The following TRPM2 variants were observed in gnomAD, a reference collection of about 807,000 sequenced individuals.
TRPM2 encodes the protein transient receptor potential cation channel subfamily M member 2, also known as estrogen-responsive element-associated gene 1 protein.
A neutral mutation model predicts 174.0 loss-of-function variants in TRPM2; 161 were observed. The ratio of observed to expected loss-of-function variants is 0.93; its 90% CI spans 0.81 to 1.05. The LOEUF (loss-of-function observed/expected upper bound fraction) is 1.05. Among genes scored for constraint, TRPM2 ranks in the 50% least tolerant of loss-of-function variants. The pLI, the probability that TRPM2 is intolerant of heterozygous loss-of-function variation, is 0.00. For synonymous variants in TRPM2, 954 were observed against 861.3 expected (o/e 1.11, Z -1.88); for missense variants, 2,057 against 2,038.0 (o/e 1.01, Z -0.18).
intron 2 of TRPM2, among the ~76,000 whole-genome samples, chr21:44,361,003 C>A (rs2048192825): frequency 6.6e-6 from 1 of 152,190 alleles, no homozygotes; most frequent in Admixed American, 6.5e-5. Context: ...CTGATCCCTG[C>A]AACCACCAGT....
intron 19 of TRPM2, among the ~76,000 whole-genome samples, chr21:44,410,245 T>C (rs1357402217): frequency 1.1e-5 from 1 of 87,054 alleles, no homozygotes; most frequent in African/African-American, 3.6e-5. Context: ...CGTAGCCTTG[T>C]AGTGAGTTTT....
At chr21:44,436,200 G>A (rs1208246077) in intron 28 of TRPM2, among the ~76,000 whole-genome samples, 2 of 152,170 alleles carry the variant, frequency 1.3e-5, no homozygotes, top group East Asian at 1.9e-4. Context: ...AGGTGCAGAC[G>A]CCTGCGTCCC....
At chr21:44,370,140 G>C (rs1307004638) in intron 5 of TRPM2, among the ~76,000 whole-genome samples, 1 of 152,144 alleles carries the variant, frequency 6.6e-6, no homozygotes, top group Non-Finnish European at 1.5e-5. Flanking sequence ...GGTTGTAAGA[G>C]GGGTCCACGT....
At chr21:44,441,003 T>G in intron 31 of TRPM2, 98 bp downstream of exon 31, 1 of 1,036,826 alleles carries the variant, frequency 9.6e-7, no homozygotes, top group Non-Finnish European at 1.5e-6. Context: ...GGGTCTGGAT[T>G]CTGGCAGGCT....
chr21:44,413,227 CTTTTTTTTT>C (rs958225632), intron 19 of TRPM2, among the ~76,000 whole-genome samples: 1 of 116,274 alleles, frequency 8.6e-6, no homozygotes, highest in Non-Finnish European at 1.8e-5. Context: ...CTTTTCAATT[CTTTTTTTTT>C]TTTTTTTTTT....
In TRPM2 at chr21:44,370,309, C is replaced by T. The variant is rs1015096420; in HGVS notation, c.771+966C>T. ...AGAGGTCTCCTGCAGCCGGGAATCC[C>T]ACTGTGCTGTGGTCCCTGGCAGCCA... On this transcript the variant is annotated intron_variant, in intron 5 of 31. Transcript: ENST00000397928. 9.2e-5 allele frequency among the ~76,000 whole-genome samples: 14 copies of T among 152,234 alleles called. 1 individual carries two copies. In the East Asian group the frequency reaches 2.5e-3, roughly 27 times the overall value.
intron 26 of TRPM2, 24 bp from the exon 27 acceptor site, chr21:44,426,986 A>G (rs1424072055): frequency 3.8e-6 from 6 of 1,565,568 alleles, no homozygotes; most frequent in South Asian, 1.2e-5. Flanking sequence ...GGGCACACAG[A>G]CACGCCTTCT....
chr21:44,389,335 G>C (rs45544038), intron 9 of TRPM2, among the ~76,000 whole-genome samples: 5,828 of 152,160 alleles, frequency 0.038, 332 homozygotes, highest in African/African-American at 0.12. Context: ...CATCTGTTGG[G>C]GTGCATTTAG....
rs1227668653 is a variant in TRPM2, at chr21:44,442,403, A to C, written c.*586A>C. The C allele has an allele frequency of 6.6e-6, 1 of 152,252 alleles. No individual in the cohort carries two copies. Among genetic ancestry groups the C allele is most frequent in the African/African-American group, 2.4e-5 (1 of 41,448 alleles). 9.4% of individuals were successfully genotyped at this position (152,252 alleles called of 1,614,324 possible). On this transcript the variant is annotated 3_prime_UTR_variant, in exon 32 of 32. Transcript: ENST00000397928. ...GCCCAGACAAAGCCCAGGCCTGTCAAGAGACGCAGAGGGCCCCTGCCAGGG... is the reference window on the plus strand; with the variant it reads ...GCCCAGACAAAGCCCAGGCCTGTCACGAGACGCAGAGGGCCCCTGCCAGGG...
chr21:44,426,714 G>A lies in TRPM2; in HGVS notation c.3850G>A (p.Ala1284Thr). The A allele has an allele frequency of 6.2e-7, 1 of 1,614,082 alleles. No individual in the cohort carries two copies. Among genetic ancestry groups the A allele is most frequent in the Non-Finnish European group, 8.5e-7 (1 of 1,180,008 alleles). Reference protein sequence around the residue: ...PFYTAERKDAAAMDPMGDTLE... With the variant: ...PFYTAERKDATAMDPMGDTLE... ...TTACACGGCAGAGAGGAAGGACGCG[G>A]CCGCCATGGACCCCATGGGAGAGTG... The change falls in exon 26 of 32, where the codon GCC (alanine) becomes ACC (threonine). Residue 1284 changes from alanine (A) to threonine (T), a missense_variant. By Grantham distance (58) the Ala-to-Thr change is moderately conservative. Coordinates refer to ENST00000397928, the MANE Select transcript of TRPM2 (RefSeq NM_003307.4).
In TRPM2 at chr21:44,366,503, C is replaced by A. The variant is rs1442598099; in HGVS notation, c.424-251C>A. 6.6e-6 allele frequency among the ~76,000 whole-genome samples: 1 copy of A among 152,108 alleles called. No homozygotes were observed. The highest frequency in any genetic ancestry group is 1.5e-5 in the Non-Finnish European group (1 of 68,002). On this transcript the variant is annotated intron_variant, in intron 3 of 31. Coordinates refer to ENST00000397928, the MANE Select transcript of TRPM2 (RefSeq NM_003307.4). This position sits in a 1 kb window ranked among gnomAD's most constrained non-coding sequence, Gnocchi z 6.0. ...AGTGGGTGCCGTGGGGGCACGAGGG[C>A]TGGGGGAGGTTTGCTGAGGGCGATC...
chr21:44,437,763 A>G (rs756641621), intron 29 of TRPM2, among the ~76,000 whole-genome samples: 3 of 152,180 alleles, frequency 2.0e-5, no homozygotes, highest in Non-Finnish European at 2.9e-5. Flanking sequence ...TTCCTGTTCA[A>G]GTGCCTCCAA....
intron 8 of TRPM2, among the ~76,000 whole-genome samples, chr21:44,380,829 A>G (rs1337460501): frequency 6.6e-6 from 1 of 152,178 alleles, no homozygotes; most frequent in African/African-American, 2.4e-5. Context: ...TCATCTGTTA[A>G]GTAGGGGTAC....
intron 16 of TRPM2, among the ~76,000 whole-genome samples, chr21:44,403,912 T>C (rs1601164828): frequency 6.6e-6 from 1 of 150,806 alleles, no homozygotes; most frequent in East Asian, 2.0e-4. Context: ...CACACATGCA[T>C]ACACACATAC....
chr21:44,394,855 A>C (rs2049292534), intron 11 of TRPM2, among the ~76,000 whole-genome samples: 1 of 151,926 alleles, frequency 6.6e-6, no homozygotes, highest in African/African-American at 2.4e-5. Context: ...TTTTTTTTCT[A>C]CTTCTGGGGA....
chr21:44,424,935 T>C lies in TRPM2; in HGVS notation c.3633T>C (p.Thr1211=), dbSNP rs1197255898. The part of the protein sequence containing the change: ...SGFSSEADVP[T]LASQKAAEEP... ...TCAGCTCGGAGGCGGACGTCCCCAC[T>C]CTGGGTGAGTGGGTGGCCAGGCCAG... The change falls in exon 24 of 32, where the codon ACT becomes ACC. Residue 1211 remains threonine (T), a synonymous_variant. Coordinates refer to ENST00000397928, the MANE Select transcript of TRPM2 (RefSeq NM_003307.4). The C allele has an allele frequency of 1.2e-6, 2 of 1,600,404 alleles. No homozygotes were observed. Among genetic ancestry groups the C allele is most frequent in the African/African-American group, 1.3e-5 (1 of 74,702 alleles).
intron 6 of TRPM2, 106 bp from the exon 7 acceptor site, chr21:44,377,606 C>T (rs190914290): frequency 1.8e-5 from 27 of 1,471,534 alleles, no homozygotes; most frequent in South Asian, 8.3e-5. Flanking sequence ...TCTTGCCCCC[C>T]ACCTCTGTCC....
chr21:44,441,447 G>C (rs769845143), intron 31 of TRPM2, among the ~76,000 whole-genome samples: 1 of 152,210 alleles, frequency 6.6e-6, no homozygotes, highest in Admixed American at 6.5e-5. Context: ...AAATAACCCC[G>C]GGCTTTAAAT....
rs369477257 is a variant in TRPM2, at chr21:44,400,380, G to A, written c.2321+9G>A. On this transcript the variant is annotated intron_variant, in intron 15 of 31. Coordinates refer to ENST00000397928, the MANE Select transcript of TRPM2 (RefSeq NM_003307.4). ...GGCCTCATCTCCTTCAGGTGCTGCA[G>A]GGCTGCGGGGCTGCGGGACTGTGGG... 135 of 1,603,880 alleles carry A rather than the reference G, an allele frequency of 8.4e-5. No homozygotes were observed. The highest frequency in any genetic ancestry group is 1.0e-4 in the Non-Finnish European group (122 of 1,176,682).
Sources: gnomAD v4.1 joint callset for allele counts (sites outside exome capture counted in the v4.1 genomes callset) on GRCh38, gnomAD v4.1.1 for gene constraint, Gnocchi (gnomAD v3.1) non-coding constraint, MANE v1.5 for transcripts, NCBI Gene and HGNC (gene_info 2026-07-23, HGNC 2026-07-21) for gene names.